Variants in UBR1 observed in about 807,000 individuals in gnomAD.
The protein encoded by UBR1 is E3 ubiquitin-protein ligase UBR1.
UBR1 carries 102 observed loss-of-function variants against 242.1 expected under a neutral mutation model. That is an observed-to-expected ratio of 0.42 (90% CI 0.36 to 0.50). The LOEUF (loss-of-function observed/expected upper bound fraction) is 0.50, where lower values mean the gene tolerates loss of function less well. UBR1 is among the 20% of genes least tolerant of loss of function. The probability of loss-of-function intolerance (pLI) is 0.01; values close to 1 mark genes in which losing one functional copy is unlikely to be tolerated. For synonymous variants in UBR1, 675 were observed against 684.8 expected (o/e 0.99, Z 0.22); for missense variants, 1,772 against 2,101.8 (o/e 0.84, Z 3.07).
intron 16 of UBR1, 68 bp from the exon 17 acceptor site, chr15:43,037,951 T>A: frequency 7.0e-7 from 1 of 1,433,872 alleles, no homozygotes; most frequent in Non-Finnish European, 9.7e-7. Flanking sequence ...GTTATGCCAC[T>A]ACATATTCTT....
chr15:43,100,283 T>C (rs1244312590), intron 1 of UBR1, among the ~76,000 whole-genome samples: 1 of 152,162 alleles, frequency 6.6e-6, no homozygotes, highest in South Asian at 2.1e-4. Flanking sequence ...CTCCCACTTA[T>C]GTCAACCTCA....
At chr15:43,007,043 A>G in intron 30 of UBR1, 36 bp downstream of exon 30, 1 of 1,604,364 alleles carries the variant, frequency 6.2e-7, no homozygotes, top group Non-Finnish European at 8.5e-7. Flanking sequence ...GCATGAAAAG[A>G]AATGCACAAA....
chr15:42,962,376 C>T (rs2032037619), intron 42 of UBR1, among the ~76,000 whole-genome samples: 1 of 152,156 alleles, frequency 6.6e-6, no homozygotes, highest in South Asian at 2.1e-4. Flanking sequence ...GGGACACCAG[C>T]AGATACTGGA....
Position 43,086,153 on chromosome 15 carries a change from G to A in UBR1, c.169C>T (p.Pro57Ser). 1 of 1,613,866 alleles carries A rather than the reference G, an allele frequency of 6.2e-7. No homozygotes were observed. Among genetic ancestry groups the A allele is most frequent in the Non-Finnish European group, 8.5e-7 (1 of 1,179,968 alleles). ...CTTTCCTCCTGCTTTTCCAAGTCTGGGTCCATTTCAGCAAAGTAAATTTCT... is the reference window on the plus strand; with the variant it reads ...CTTTCCTCCTGCTTTTCCAAGTCTGAGTCCATTTCAGCAAAGTAAATTTCT... ...VPEIYFAEMD[P>S]DLEKQEESVQ... Residue 57 changes from proline to serine, a missense_variant, in exon 2 of 47, where the codon CCA becomes TCA. Pro to Ser is a moderately conservative substitution (Grantham distance 74). Transcript: ENST00000290650.
At position 43,070,770 on chromosome 15, in the gene UBR1, T is replaced by G. The variant is rs759065361; in HGVS notation, c.659+25A>C. The stretch of plus-strand genomic sequence containing the variant: ...AATACAAATAACCATCACTAAAACT[T>G]GTTCCGTTTGACAGTTTTCCCCACC... On this transcript the variant is annotated intron_variant, in intron 5 of 46. Coordinates refer to ENST00000290650, the MANE Select transcript of UBR1 (RefSeq NM_174916.3). 1.9e-6 allele frequency: 3 copies of G among 1,611,684 alleles called. No homozygotes were observed. The South Asian group carries it at 3.3e-5, about 18-fold the overall frequency.
At chr15:42,989,167 G>A (rs2032519119) in intron 34 of UBR1, among the ~76,000 whole-genome samples, 200 bp from the exon 35 acceptor site, 2 of 152,204 alleles carry the variant, frequency 1.3e-5, no homozygotes, top group African/African-American at 4.8e-5. Context: ...ATTTTCTAAA[G>A]GTAGAGAAAC....
intron 1 of UBR1, among the ~76,000 whole-genome samples, chr15:43,088,179 A>C (rs2034061544): frequency 6.6e-6 from 1 of 152,254 alleles, no homozygotes; most frequent in Admixed American, 6.5e-5. Context: ...TATTCATAAC[A>C]GCAAAAAATT....
rs2031699435 is a variant in UBR1, at chr15:42,944,409, G to A, written c.*920C>T. ...AGGATTTGTCTTTTACAAAGATATA[G>A]AAGACTGCGGAATTGGTTTAAATCT... On this transcript the variant is annotated 3_prime_UTR_variant, in exon 47 of 47. Transcript: ENST00000290650. The A allele has an allele frequency of 6.6e-6, 1 of 152,462 alleles. No homozygotes were observed. Among genetic ancestry groups the A allele is most frequent in the Non-Finnish European group, 1.5e-5 (1 of 68,032 alleles). The allele number at this position is 152,462 out of a possible 1,614,324, so 9.4% of individuals were successfully genotyped here. A position where few individuals can be genotyped will look rare whatever the true frequency, so the allele number is the denominator to read the frequency against.
intron 1 of UBR1, among the ~76,000 whole-genome samples, chr15:43,100,812 G>A (rs1025678208): frequency 3.9e-5 from 6 of 152,160 alleles, no homozygotes; most frequent in African/African-American, 7.2e-5. Context: ...CCAGCCTGGC[G>A]ACAGAGCGAG....
intron 1 of UBR1, among the ~76,000 whole-genome samples, chr15:43,095,302 T>G (rs1596142413): frequency 6.6e-6 from 1 of 152,226 alleles, no homozygotes; most frequent in Admixed American, 6.5e-5. Flanking sequence ...ACAGCTTCAC[T>G]CCTCTAAACA....
chr15:42,946,724 T>A (rs1476110920), intron 46 of UBR1, among the ~76,000 whole-genome samples: 1 of 152,206 alleles, frequency 6.6e-6, no homozygotes, highest in Non-Finnish European at 1.5e-5. Context: ...GAGATCACTG[T>A]CAGTCTCCTC....
intron 5 of UBR1, among the ~76,000 whole-genome samples, chr15:43,069,568 C>T (rs1027059134): frequency 2.0e-5 from 3 of 152,230 alleles, no homozygotes; most frequent in Non-Finnish European, 2.9e-5. Context: ...AGCCGCCGCG[C>T]CCGGCCTATG....
Position 42,944,665 on chromosome 15 carries a change from GA to G in UBR1, c.*663del, listed in dbSNP as rs2031703811. ...AACTGCAAGCTCTTTGTACCGTCAG[GA>G]ATGAATAACAAATACATTACCCTAA... On this transcript the variant is annotated 3_prime_UTR_variant, in exon 47 of 47. Coordinates refer to ENST00000290650, the MANE Select transcript of UBR1 (RefSeq NM_174916.3). 6.5e-6 allele frequency: 1 copy of G among 152,928 alleles called. No individual in the cohort carries two copies. The highest frequency in any genetic ancestry group is 2.1e-4 in the South Asian group (1 of 4,858). 9.5% of individuals were successfully genotyped at this position (152,928 alleles called of 1,614,324 possible). A position where few individuals can be genotyped will look rare whatever the true frequency, so the allele number is the denominator to read the frequency against.
intron 3 of UBR1, among the ~76,000 whole-genome samples, chr15:43,082,265 GT>G (rs893194256): frequency 4.7e-5 from 7 of 148,738 alleles, no homozygotes; most frequent in South Asian, 2.1e-4. Context: ...TTTACTGTAA[GT>G]TTTTTTTTTA....
At chr15:42,994,381 CAAAAAAAAAAAA>C (rs72106180) in intron 33 of UBR1, among the ~76,000 whole-genome samples, 2 of 91,916 alleles carry the variant, frequency 2.2e-5, no homozygotes, top group South Asian at 7.8e-4. Flanking sequence ...GACGCTGTCT[CAAAAAAAAAAAA>C]AAAAAAAAAA....
intron 12 of UBR1, among the ~76,000 whole-genome samples, chr15:43,053,921 C>T (rs2033585401): frequency 6.6e-6 from 1 of 151,472 alleles, no homozygotes. Flanking sequence ...CCACCTCCTG[C>T]GTTCAAGCGA....
intron 3 of UBR1, among the ~76,000 whole-genome samples, chr15:43,080,228 T>G (rs2033960268): frequency 6.6e-6 from 1 of 152,256 alleles, no homozygotes; most frequent in African/African-American, 2.4e-5. Context: ...AATTTTAATT[T>G]CATATAATTT....
rs563815077 is a variant in UBR1 at position 43,044,080 on chromosome 15, AATAAGAGAAAT to A, written c.1669-696_1669-686del. Among the ~76,000 whole-genome samples the A allele has an allele frequency of 1.7e-3, 263 of 152,350 alleles. 2 individuals are homozygous for A. The highest frequency in any genetic ancestry group is 3.4e-3 in the Middle Eastern group (1 of 294). ...GAGATATAAAATAAATAAAGACAAA[AATAAGAGAAAT>A]ACAACTCCTATTCAGGCAGTGGAGA... On this transcript the variant is annotated intron_variant, in intron 14 of 46. Transcript: ENST00000290650.
At chr15:43,076,173 G>T (rs1170781717) in intron 3 of UBR1, among the ~76,000 whole-genome samples, 64 of 151,914 alleles carry the variant, frequency 4.2e-4, no homozygotes, top group African/African-American at 1.4e-3. Context: ...GTGGAGACGG[G>T]GTTTTGCTGT....
Sources: allele counts gnomAD v4.1 joint callset (sites outside exome capture counted in the v4.1 genomes callset), GRCh38; gene constraint gnomAD v4.1.1; transcripts MANE v1.5; gene names NCBI Gene and HGNC (gene_info 2026-07-23, HGNC 2026-07-21).